ST8SIA1: variants seen among roughly 807,000 people sequenced by gnomAD.
The protein encoded by ST8SIA1 is alpha-N-acetylneuraminide alpha-2,8-sialyltransferase.
In ST8SIA1, 16 loss-of-function variants were observed where a neutral mutation model predicts 35.9. The observed-to-expected ratio is 0.45, with a 90% CI of 0.30 to 0.68. The LOEUF (loss-of-function observed/expected upper bound fraction) is 0.68. Among genes scored for constraint, ST8SIA1 ranks in the 30% least tolerant of loss-of-function variants. ST8SIA1 has a pLI of 0.09. For missense variants in ST8SIA1, 383 were observed against 453.6 expected (o/e 0.84, Z 1.41); for synonymous variants, 170 against 169.6 (o/e 1.00, Z -0.02).
In ST8SIA1 at chr12:22,257,378, A is replaced by AT. The variant is rs34136511; in HGVS notation, c.382-1990dup. The stretch of plus-strand genomic sequence containing the variant: ...AGGTACACGTTACCATGCCCAGCTA[A>AT]TTTTTTTTTTTTTTTTTTTTTTTTT... On this transcript the variant is annotated intron_variant, in intron 2 of 4. Coordinates refer to ENST00000396037, the MANE Select transcript of ST8SIA1 (RefSeq NM_003034.4). Among the ~76,000 whole-genome samples the AT allele has an allele frequency of 9.1e-3, 1,080 of 118,552 alleles. 12 individuals carry two copies. Among genetic ancestry groups the AT allele is most frequent in the Admixed American group, 0.03 (338 of 11,132 alleles). 77.8% of individuals were successfully genotyped at this position (118,552 alleles called of 152,430 possible).
At chr12:22,333,221 G>T (rs184058690) in intron 1 of ST8SIA1, among the ~76,000 whole-genome samples, 1 of 152,070 alleles carries the variant, frequency 6.6e-6, no homozygotes, top group Non-Finnish European at 1.5e-5. Context: ...CTGACTTCAG[G>T]TGCCTACTTA....
chr12:22,235,892 C>CTA (rs1555155869), intron 4 of ST8SIA1, among the ~76,000 whole-genome samples: 1 of 149,400 alleles, frequency 6.7e-6, no homozygotes, highest in Non-Finnish European at 1.5e-5. Flanking sequence ...ATTCCCTTCA[C>CTA]CACACACACA....
chr12:22,232,563 G>A (rs2120699967), intron 4 of ST8SIA1, among the ~76,000 whole-genome samples: 1 of 152,262 alleles, frequency 6.6e-6, no homozygotes, highest in East Asian at 1.9e-4. Flanking sequence ...GCCAAGCTGG[G>A]AGTTAGGTAT....
chr12:22,334,567 G>T lies in ST8SIA1; in HGVS notation c.-335C>A. On this transcript the variant is annotated 5_prime_UTR_variant, in exon 1 of 5. It adds an upstream start codon to the 5' untranslated region. Transcript: ENST00000396037. The stretch of plus-strand genomic sequence containing the variant: ...GCGAGTCGCTCCCGCCGGTTCTGCA[G>T]CATCACGGTCGCCCTCGGCGAGGGT... The T allele has an allele frequency of 2.7e-6, 1 of 374,162 alleles. No homozygotes were observed. Among genetic ancestry groups the T allele is most frequent in the East Asian group, 5.5e-5 (1 of 18,186 alleles). The allele number at this position is 374,162 out of a possible 1,614,324, so 23.2% of individuals were successfully genotyped here.
chr12:22,201,271 C>A lies in ST8SIA1; in HGVS notation c.*281G>T. ...AGTCTGTCTTGTTTTTGAACTGCAT[C>A]TTCTAGATTTGAACCATGTGCTTTA... On this transcript the variant is annotated 3_prime_UTR_variant, in exon 5 of 5. Coordinates refer to ENST00000396037, the MANE Select transcript of ST8SIA1 (RefSeq NM_003034.4). The A allele has an allele frequency of 3.1e-6, 1 of 319,624 alleles. No homozygotes were observed. Among genetic ancestry groups the A allele is most frequent in the Non-Finnish European group, 5.7e-6 (1 of 176,260 alleles). 19.8% of individuals were successfully genotyped at this position (319,624 alleles called of 1,614,324 possible).
At chr12:22,318,641 C>G (rs183102523) in intron 1 of ST8SIA1, among the ~76,000 whole-genome samples, 1 of 152,330 alleles carries the variant, frequency 6.6e-6, no homozygotes, top group South Asian at 2.1e-4. Context: ...AAAGAGACAT[C>G]CTCCTTCCTC....
chr12:22,249,442 G>C (rs908845325), intron 3 of ST8SIA1, among the ~76,000 whole-genome samples: 38 of 152,092 alleles, frequency 2.5e-4, no homozygotes, highest in Middle Eastern at 3.4e-3. Context: ...GGACGGTCTC[G>C]ATCTCCTGAC....
At chr12:22,312,523 C>T (rs919808854) in intron 1 of ST8SIA1, among the ~76,000 whole-genome samples, 1 of 152,036 alleles carries the variant, frequency 6.6e-6, no homozygotes, top group South Asian at 2.1e-4. Context: ...GACACATGCA[C>T]GGTTTGGAAA....
chr12:22,332,031 T>G (rs1171622267), intron 1 of ST8SIA1, among the ~76,000 whole-genome samples: 1 of 152,208 alleles, frequency 6.6e-6, no homozygotes, highest in East Asian at 1.9e-4. Context: ...AAAAATATAC[T>G]AACTTGCCAA....
intron 2 of ST8SIA1, among the ~76,000 whole-genome samples, chr12:22,274,976 A>C (rs534718791): frequency 6.6e-6 from 1 of 152,368 alleles, no homozygotes; most frequent in Admixed American, 6.5e-5. Context: ...GAATTGTTAT[A>C]CAATAATTGT....
At chr12:22,275,392 G>A (rs992920318) in intron 2 of ST8SIA1, among the ~76,000 whole-genome samples, 2 of 151,998 alleles carry the variant, frequency 1.3e-5, no homozygotes, top group African/African-American at 4.8e-5. Flanking sequence ...CCATCTCTAT[G>A]AGAAATACAA....
chr12:22,298,563 A>G (rs2135823410), intron 1 of ST8SIA1, among the ~76,000 whole-genome samples: 2 of 152,352 alleles, frequency 1.3e-5, no homozygotes, highest in South Asian at 4.1e-4. Flanking sequence ...TACTCTCAAT[A>G]TTCTTTCTCT....
intron 1 of ST8SIA1, among the ~76,000 whole-genome samples, chr12:22,296,139 G>C (rs972987572): frequency 6.6e-6 from 1 of 152,130 alleles, no homozygotes; most frequent in African/African-American, 2.4e-5. Flanking sequence ...GAGCATGCCT[G>C]GTATGCTGAA....
chr12:22,209,415 G>A (rs965854293), intron 4 of ST8SIA1, among the ~76,000 whole-genome samples: 2 of 152,104 alleles, frequency 1.3e-5, no homozygotes, highest in African/African-American at 2.4e-5. Context: ...GACCTCACTC[G>A]CATTCAAGTT....
chr12:22,301,607 G>C (rs1477170318), intron 1 of ST8SIA1, among the ~76,000 whole-genome samples: 1 of 152,124 alleles, frequency 6.6e-6, no homozygotes, highest in African/African-American at 2.4e-5. Context: ...GTTTTCATTT[G>C]TAACAGGACA....
chr12:22,309,144 G>GA (rs1372711050), intron 1 of ST8SIA1, among the ~76,000 whole-genome samples: 33 of 152,074 alleles, frequency 2.2e-4, no homozygotes, highest in African/African-American at 7.5e-4. Context: ...CTGGCGAAGG[G>GA]GACCCCAAGA....
intron 2 of ST8SIA1, among the ~76,000 whole-genome samples, chr12:22,281,594 A>G (rs1475178811): frequency 4.6e-5 from 7 of 152,222 alleles, no homozygotes; most frequent in Non-Finnish European, 7.3e-5. Flanking sequence ...TCAAAGCCAA[A>G]AAGAGACTAG....
At chr12:22,248,963 A>G (rs768832494) in intron 4 of ST8SIA1, 43 bp downstream of exon 4, 2 of 1,441,022 alleles carry the variant, frequency 1.4e-6, no homozygotes, top group Non-Finnish European at 2.0e-6. Context: ...ACTTGAGAAG[A>G]CTTCATCTTC....
At chr12:22,281,942 A>G (rs1866042175) in intron 2 of ST8SIA1, among the ~76,000 whole-genome samples, 2 of 152,078 alleles carry the variant, frequency 1.3e-5, no homozygotes, top group Non-Finnish European at 2.9e-5. Context: ...CAGAAGGTGG[A>G]GGCTTGCAGT....
Sources: gnomAD v4.1 joint callset for allele counts (sites outside exome capture counted in the v4.1 genomes callset) on GRCh38, gnomAD v4.1.1 for gene constraint, MANE v1.5 for transcripts, NCBI Gene and HGNC (gene_info 2026-07-23, HGNC 2026-07-21) for gene names.